The following RGS7 variants were observed in gnomAD, a reference collection of about 807,000 sequenced individuals.
RGS7 encodes the protein regulator of G-protein signaling 7.
RGS7 carries 27 observed loss-of-function variants against 81.1 expected under a neutral mutation model. The observed-to-expected ratio is 0.33, with a 90% CI of 0.25 to 0.46. The LOEUF (loss-of-function observed/expected upper bound fraction) is 0.46, where lower values mean the gene tolerates loss of function less well. Among genes scored for constraint, RGS7 ranks in the 20% least tolerant of loss-of-function variants. The pLI is 1.00. For missense variants in RGS7, 396 were observed against 607.4 expected, an observed-to-expected ratio of 0.65 and a Z score of 3.66; for synonymous variants, 208 against 207.7, an observed-to-expected ratio of 1.00 and a Z score of -0.01.
intron 2 of RGS7, among the ~76,000 whole-genome samples, chr1:241,308,921 C>A (rs1048681107): frequency 6.6e-6 from 1 of 152,102 alleles, no homozygotes; most frequent in Non-Finnish European, 1.5e-5. Context: ...TGTCTTTTTG[C>A]CCTCTGTCAT....
intron 3 of RGS7, among the ~76,000 whole-genome samples, chr1:241,047,464 G>A (rs201978482): frequency 1.0e-4 from 13 of 128,622 alleles, no homozygotes; most frequent in African/African-American, 2.2e-4. Context: ...TGTTAAACAC[G>A]TTTAAACATG....
intron 2 of RGS7, among the ~76,000 whole-genome samples, chr1:241,274,087 G>A (rs1357977378): frequency 6.6e-6 from 1 of 152,082 alleles, no homozygotes; most frequent in African/African-American, 2.4e-5. Context: ...GTCTCTTTTT[G>A]CATACTCAGC....
intron 3 of RGS7, among the ~76,000 whole-genome samples, chr1:241,066,120 T>C (rs565008864): frequency 2.2e-4 from 33 of 152,232 alleles, no homozygotes; most frequent in Non-Finnish European, 4.1e-4. Context: ...TCATCTCATC[T>C]AATGCAAGAA....
intron 13 of RGS7, among the ~76,000 whole-genome samples, chr1:240,813,157 T>C (rs1690175829): frequency 6.6e-6 from 1 of 152,218 alleles, no homozygotes; most frequent in Non-Finnish European, 1.5e-5. Context: ...TTGCTTTTCT[T>C]AGGAAGTGTC....
At chr1:240,781,538 C>A (rs1047044421) in intron 18 of RGS7, among the ~76,000 whole-genome samples, 1 of 152,062 alleles carries the variant, frequency 6.6e-6, no homozygotes, top group Non-Finnish European at 1.5e-5. Context: ...ACCCAGGAGG[C>A]GGAGGTTGCA....
intron 3 of RGS7, among the ~76,000 whole-genome samples, chr1:241,090,120 G>A (rs902171696): frequency 6.6e-6 from 1 of 151,898 alleles, no homozygotes; most frequent in South Asian, 2.1e-4. Context: ...TTTGCAATTT[G>A]AAAATAGTAG....
chr1:240,820,505 T>G (rs921192476), intron 10 of RGS7, among the ~76,000 whole-genome samples: 2 of 152,124 alleles, frequency 1.3e-5, no homozygotes, highest in Admixed American at 6.5e-5. Context: ...TCTGAATGTT[T>G]GTGTCTCTCC....
intron 2 of RGS7, among the ~76,000 whole-genome samples, chr1:241,129,828 C>A (rs61833761): frequency 6.6e-6 from 1 of 152,024 alleles, no homozygotes; most frequent in Non-Finnish European, 1.5e-5. Flanking sequence ...CTGCACTGCC[C>A]TAAAGCACGT....
At chr1:240,937,850 C>T (rs747812249) in intron 4 of RGS7, among the ~76,000 whole-genome samples, 11 of 152,090 alleles carry the variant, frequency 7.2e-5, no homozygotes, top group Non-Finnish European at 1.3e-4. Context: ...TTTTACTATT[C>T]TATACAGTGT....
At chr1:240,866,571 G>A (rs1473227000) in intron 9 of RGS7, among the ~76,000 whole-genome samples, 3 of 151,900 alleles carry the variant, frequency 2.0e-5, no homozygotes, top group Non-Finnish European at 4.4e-5. Context: ...GGTGGTTTCT[G>A]CCTCCAGATC....
intron 4 of RGS7, among the ~76,000 whole-genome samples, chr1:240,972,502 C>T (rs1487580889): frequency 1.7e-5 from 2 of 115,922 alleles, no homozygotes; most frequent in African/African-American, 6.8e-5. Flanking sequence ...ACAATGAGAT[C>T]ACATGGACAC....
Position 240,775,704 on chromosome 1 carries a change from T to C in RGS7, c.*516A>G, listed in dbSNP as rs1682829638. The C allele has an allele frequency of 5.9e-6, 1 of 170,008 alleles. No individual in the cohort carries two copies. Among genetic ancestry groups the C allele is most frequent in the Admixed American group, 5.5e-5 (1 of 18,166 alleles). 10.5% of individuals were successfully genotyped at this position (170,008 alleles called of 1,614,324 possible). ...ACGAAGACATGAGTTTGTTTCTGAC[T>C]GTGACACATTGGTGAAATGAAACTT... On this transcript the variant is annotated 3_prime_UTR_variant, in exon 19 of 19. Coordinates refer to ENST00000440928, the MANE Select transcript of RGS7 (RefSeq NM_001364886.1).
chr1:241,090,320 C>T (rs189086144), intron 3 of RGS7, among the ~76,000 whole-genome samples: 3 of 152,156 alleles, frequency 2.0e-5, no homozygotes, highest in Admixed American at 2.0e-4. Context: ...TAAGAAGAGT[C>T]AAGGCGACCC....
chr1:240,812,559 C>T (rs922507118), intron 13 of RGS7, among the ~76,000 whole-genome samples: 8 of 151,824 alleles, frequency 5.3e-5, no homozygotes, highest in South Asian at 2.1e-4. Flanking sequence ...TTCAGCCTCC[C>T]GGGTAGCTGG....
chr1:240,886,685 G>A (rs781327231), intron 6 of RGS7, among the ~76,000 whole-genome samples: 3 of 152,264 alleles, frequency 2.0e-5, no homozygotes, highest in Admixed American at 1.3e-4. Flanking sequence ...ATACGAGACT[G>A]AGAGTCCCAA....
At chr1:241,250,365 G>A (rs1475551666) in intron 2 of RGS7, among the ~76,000 whole-genome samples, 1 of 152,030 alleles carries the variant, frequency 6.6e-6, no homozygotes, top group Non-Finnish European at 1.5e-5. Context: ...TTGTGTAATC[G>A]ATTCTTCATT....
chr1:241,019,835 T>C (rs561322338), intron 3 of RGS7, among the ~76,000 whole-genome samples: 7 of 152,356 alleles, frequency 4.6e-5, no homozygotes, highest in Middle Eastern at 6.8e-3. Flanking sequence ...CATGTGTCTA[T>C]AGTGTTGCTA....
At chr1:241,065,737 G>A (rs1037586506) in intron 3 of RGS7, among the ~76,000 whole-genome samples, 1 of 152,176 alleles carries the variant, frequency 6.6e-6, no homozygotes, top group African/African-American at 2.4e-5. Flanking sequence ...TAAATTTATT[G>A]AGAGGGTATA....
chr1:240,931,572 C>A (rs775380570), intron 5 of RGS7, among the ~76,000 whole-genome samples: 18 of 151,568 alleles, frequency 1.2e-4, no homozygotes, highest in Non-Finnish European at 1.9e-4. Flanking sequence ...TATGTACCCA[C>A]AAAAATTAAA....
Sources: gnomAD v4.1 joint callset for allele counts (sites outside exome capture counted in the v4.1 genomes callset) on GRCh38, gnomAD v4.1.1 for gene constraint, MANE v1.5 for transcripts, NCBI Gene and HGNC (gene_info 2026-07-23, HGNC 2026-07-21) for gene names.